TMEM200A: variants seen among roughly 807,000 people sequenced by gnomAD.
The protein encoded by TMEM200A is two transmembrane C.
Under a neutral mutation model 24.3 loss-of-function variants are expected in TMEM200A, and 12 were observed. That is an observed-to-expected ratio of 0.49 (90% CI 0.32 to 0.80). TMEM200A has a LOEUF of 0.80. Ranked by LOEUF, TMEM200A falls within the 30% of genes least tolerant of loss-of-function variation. The pLI, the probability that TMEM200A is intolerant of heterozygous loss-of-function variation, is 0.04. For missense variants in TMEM200A, 545 were observed against 614.4 expected (o/e 0.89, Z 1.19); for synonymous variants, 224 against 224.4 (o/e 1.00, Z 0.02).
chr6:130,406,306 C>T (rs368507803), intron 2 of TMEM200A, among the ~76,000 whole-genome samples: 2 of 152,080 alleles, frequency 1.3e-5, no homozygotes, highest in Non-Finnish European at 2.9e-5. Context: ...TAAGACTAGA[C>T]CCTTTTAAAT....
intron 2 of TMEM200A, among the ~76,000 whole-genome samples, chr6:130,412,492 A>G (rs1005163592): frequency 4.6e-5 from 7 of 152,048 alleles, no homozygotes; most frequent in Non-Finnish European, 8.8e-5. Flanking sequence ...ACAGCCCCAT[A>G]TGAAGTGCTC....
At chr6:130,372,383 G>A (rs1249088392) in intron 1 of TMEM200A, among the ~76,000 whole-genome samples, 1 of 152,176 alleles carries the variant, frequency 6.6e-6, no homozygotes, top group Non-Finnish European at 1.5e-5. Context: ...CCTCAGTACA[G>A]GATCTCTATC....
At chr6:130,418,356 A>C (rs12190331) in intron 2 of TMEM200A, among the ~76,000 whole-genome samples, 25,004 of 152,152 alleles carry the variant, frequency 0.16, 2,199 homozygotes, top group East Asian at 0.35. Context: ...AAAAGCTTTT[A>C]TTCTAAAGAG....
chr6:130,387,115 A>G (rs1211105789), intron 2 of TMEM200A, among the ~76,000 whole-genome samples: 1 of 152,218 alleles, frequency 6.6e-6, no homozygotes, highest in African/African-American at 2.4e-5. Flanking sequence ...TGTGTTTCTT[A>G]TATGAAGGTG....
At position 130,442,461 on chromosome 6, in the gene TMEM200A, A is replaced by T. The variant is rs1237523467; in HGVS notation, c.*563A>T. On this transcript the variant is annotated 3_prime_UTR_variant, in exon 3 of 3. Coordinates refer to ENST00000296978, the MANE Select transcript of TMEM200A (RefSeq NM_001258277.2). ...TGTGAATCTTGAGTTTTAGATAAGT[A>T]GTTATTTTTTTCAATATCACTTCTG... 6.0e-6 allele frequency: 1 copy of T among 166,158 alleles called. No individual in the cohort carries two copies. Among genetic ancestry groups the T allele is most frequent in the African/African-American group, 2.4e-5 (1 of 41,466 alleles). 10.3% of individuals were successfully genotyped at this position (166,158 alleles called of 1,614,324 possible). A position where few individuals can be genotyped will look rare whatever the true frequency, so the allele number is the denominator to read the frequency against.
At chr6:130,377,860 G>A (rs767886262) in intron 1 of TMEM200A, among the ~76,000 whole-genome samples, 62 of 152,174 alleles carry the variant, frequency 4.1e-4, no homozygotes, top group Non-Finnish European at 7.6e-4. Flanking sequence ...ATAAAGCAGA[G>A]CCCAGGGACT....
chr6:130,405,449 T>G (rs369024759), intron 2 of TMEM200A, among the ~76,000 whole-genome samples: 1 of 152,302 alleles, frequency 6.6e-6, no homozygotes, highest in South Asian at 2.1e-4. Flanking sequence ...TCAGAAACTT[T>G]TAAGAATTGC....
At chr6:130,431,692 C>T (rs2115211146) in intron 2 of TMEM200A, among the ~76,000 whole-genome samples, 1 of 152,214 alleles carries the variant, frequency 6.6e-6, no homozygotes. Context: ...CTTCTGTATT[C>T]TACGGGCTTC....
intron 2 of TMEM200A, among the ~76,000 whole-genome samples, chr6:130,401,173 G>A (rs929435883): frequency 2.0e-5 from 3 of 151,998 alleles, no homozygotes; most frequent in African/African-American, 7.2e-5. Flanking sequence ...TTACCTCAGA[G>A]TGCCACCTCA....
chr6:130,408,109 T>C lies in TMEM200A; in HGVS notation c.-17+22873T>C, dbSNP rs536884623. ...TATGGAAACAGTATTCCCAGGATAG[T>C]AATAAAAGTGCCCCGTAGTGCACAA... On this transcript the variant is annotated intron_variant, in intron 2 of 2. Coordinates refer to ENST00000296978, the MANE Select transcript of TMEM200A (RefSeq NM_001258277.2). Among the ~76,000 whole-genome samples, 18 of 152,218 alleles carry C rather than the reference T, an allele frequency of 1.2e-4. No homozygotes were observed. In the East Asian group the frequency reaches 3.3e-3, roughly 28 times the overall value.
Position 130,366,503 on chromosome 6 carries a change from C to T in TMEM200A, c.-102C>T. On this transcript the variant is annotated 5_prime_UTR_variant, in exon 1 of 3. Coordinates refer to ENST00000296978, the MANE Select transcript of TMEM200A (RefSeq NM_001258277.2). The surrounding 1 kb of genome is among the most constrained non-coding windows in gnomAD (Gnocchi z 4.4). ...GAACAGGGAGAGGCGACCCGACCCC[C>T]AGGGCCCGGTGCTCAGGACAGGTGA... 1.0e-6 allele frequency: 1 copy of T among 985,796 alleles called. No individual in the cohort carries two copies. The highest frequency in any genetic ancestry group is 4.7e-5 in the South Asian group (1 of 21,286). The allele number at this position is 985,796 out of a possible 1,614,324, so 61.1% of individuals were successfully genotyped here. A position where few individuals can be genotyped will look rare whatever the true frequency, so the allele number is the denominator to read the frequency against.
Position 130,440,528 on chromosome 6 carries a change from G to C in TMEM200A, c.106G>C (p.Glu36Gln). Reference protein sequence around the residue: ...VNLSPSPATQEKKPIRRRPRA... With the variant: ...VNLSPSPATQQKKPIRRRPRA... ...CCTCAGCCCGTCTCCTGCTACCCAAGAGAAGAAGCCCATCAGGCGCCGGCC... is the reference window on the plus strand; with the variant it reads ...CCTCAGCCCGTCTCCTGCTACCCAACAGAAGAAGCCCATCAGGCGCCGGCC... Residue 36 changes from glutamate to glutamine, a missense_variant, in exon 3 of 3, where the codon GAG becomes CAG. Coordinates refer to ENST00000296978, the MANE Select transcript of TMEM200A (RefSeq NM_001258277.2). 4 of 1,614,114 alleles carry C rather than the reference G, an allele frequency of 2.5e-6. No homozygotes were observed. Among genetic ancestry groups the C allele is most frequent in the Non-Finnish European group, 3.4e-6 (4 of 1,179,974 alleles).
Position 130,384,387 on chromosome 6 carries a change from C to T in TMEM200A, c.-80-786C>T, listed in dbSNP as rs115497911. On this transcript the variant is annotated intron_variant, in intron 1 of 2. Transcript: ENST00000296978. ...AAAGCGGTAGCATGATCATAGCTCA[C>T]TGTACCCTCAAATACTTGTGCTCAA... 4.1e-3 allele frequency among the ~76,000 whole-genome samples: 630 copies of T among 152,290 alleles called. 5 individuals are homozygous for T. The highest frequency in any genetic ancestry group is 0.014 in the African/African-American group (586 of 41,552).
chr6:130,413,297 T>C (rs1779373593), intron 2 of TMEM200A, among the ~76,000 whole-genome samples: 1 of 152,224 alleles, frequency 6.6e-6, no homozygotes, highest in African/African-American at 2.4e-5. Context: ...GTCATTGAGA[T>C]GCCTGTGAGA....
At chr6:130,382,173 A>G (rs1391299627) in intron 1 of TMEM200A, among the ~76,000 whole-genome samples, 1 of 152,208 alleles carries the variant, frequency 6.6e-6, no homozygotes, top group Non-Finnish European at 1.5e-5. Context: ...GCAGAGCTCC[A>G]GTTTAGTGTA....
intron 2 of TMEM200A, among the ~76,000 whole-genome samples, chr6:130,418,269 A>G (rs1779504856): frequency 6.6e-6 from 1 of 152,248 alleles, no homozygotes; most frequent in Non-Finnish European, 1.5e-5. Context: ...TCATCAAAAG[A>G]AAATCAAATG....
chr6:130,406,490 T>C (rs1779213112), intron 2 of TMEM200A, among the ~76,000 whole-genome samples: 1 of 152,172 alleles, frequency 6.6e-6, no homozygotes. Flanking sequence ...TCTAAATATA[T>C]ATAGTCTTCT....
At chr6:130,418,100 C>T (rs1329839966) in intron 2 of TMEM200A, among the ~76,000 whole-genome samples, 7 of 152,062 alleles carry the variant, frequency 4.6e-5, no homozygotes, top group Non-Finnish European at 8.8e-5. Flanking sequence ...ACATTCACCT[C>T]TTGGCATGAT....
At chr6:130,408,028 G>A (rs1403996230) in intron 2 of TMEM200A, among the ~76,000 whole-genome samples, 2 of 152,094 alleles carry the variant, frequency 1.3e-5, no homozygotes, top group African/African-American at 4.8e-5. Context: ...CAAAATGTGG[G>A]GCATGCAAAG....
Sources: allele counts gnomAD v4.1 joint callset (sites outside exome capture counted in the v4.1 genomes callset), GRCh38; gene constraint gnomAD v4.1.1; non-coding constraint Gnocchi (gnomAD v3.1); transcripts MANE v1.5; gene names NCBI Gene and HGNC (gene_info 2026-07-23, HGNC 2026-07-21).